Variants in CA12 observed in about 807,000 individuals in gnomAD.
CA12 encodes carbonate dehydratase XII.
In CA12, 36 loss-of-function variants were observed where a neutral mutation model predicts 46.8. That is an observed-to-expected ratio of 0.77 (90% CI 0.59 to 1.02). The LOEUF is 1.02. CA12 is among the 50% of genes least tolerant of loss of function. CA12 has a pLI of 0.00. For synonymous variants in CA12, 202 were observed against 187.0 expected (o/e 1.08, Z -0.65); for missense variants, 436 against 451.4 (o/e 0.97, Z 0.31).
At chr15:63,357,887 C>T (rs928043165) in intron 2 of CA12, among the ~76,000 whole-genome samples, 7 of 152,204 alleles carry the variant, frequency 4.6e-5, no homozygotes, top group African/African-American at 1.4e-4. Context: ...GGATTTGCCT[C>T]TTCCGGATAG....
In CA12 at chr15:63,340,265, G is replaced by T. The variant is rs774661906; in HGVS notation, c.747+23C>A. ...GGACTGAGGTGCCGCGTGGACTCTG[G>T]CTGAGTCTGGCACGACAGTTACCTG... is the stretch of plus-strand genomic sequence containing the variant. On this transcript the variant is annotated intron_variant, in intron 7 of 10. Transcript: ENST00000178638. The surrounding 1 kb of genome is among the most constrained non-coding windows in gnomAD (Gnocchi z 4.4). The T allele has an allele frequency of 6.8e-6, 11 of 1,613,810 alleles. No homozygotes were observed. Among genetic ancestry groups the T allele is most frequent in the Non-Finnish European group, 9.3e-6 (11 of 1,179,840 alleles).
At chr15:63,380,839 A>C (rs1206685062) in intron 1 of CA12, among the ~76,000 whole-genome samples, 1 of 152,178 alleles carries the variant, frequency 6.6e-6, no homozygotes, top group Non-Finnish European at 1.5e-5. Context: ...TTCTTATTCC[A>C]AAAGATTAAT....
intron 3 of CA12, among the ~76,000 whole-genome samples, chr15:63,346,299 G>C (rs146769925): frequency 4.6e-5 from 7 of 152,268 alleles, no homozygotes; most frequent in Non-Finnish European, 1.0e-4. Context: ...CCCATCCTGA[G>C]AGATGTGCTT....
At position 63,348,826 on chromosome 15, in the gene CA12, C is replaced by T. The variant is rs544764785; in HGVS notation, c.107-2117G>A. On this transcript the variant is annotated intron_variant, in intron 2 of 10. Transcript: ENST00000178638. This position sits in a 1 kb window ranked among gnomAD's most constrained non-coding sequence, Gnocchi z 4.6. The stretch of plus-strand genomic sequence containing the variant: ...CCATATTATAAGTAGGGTCACGTGC[C>T]CCCATGGGCATTTAGGAAACATTTT... Among the ~76,000 whole-genome samples the T allele has an allele frequency of 1.3e-5, 2 of 152,150 alleles. No individual in the cohort carries two copies. The highest frequency in any genetic ancestry group is 2.1e-4 in the South Asian group (1 of 4,828).
chr15:63,363,494 A>G lies in CA12; in HGVS notation c.106+12164T>C, dbSNP rs554541142. On this transcript the variant is annotated intron_variant, in intron 2 of 10. Coordinates refer to ENST00000178638, the MANE Select transcript of CA12 (RefSeq NM_001218.5). Reference sequence around the variant, plus strand: ...AGACGCTGACCCCTAAGCTGTGCAGACACACCCTCCTTCTAGATAACTCTT... The same window carrying G: ...AGACGCTGACCCCTAAGCTGTGCAGGCACACCCTCCTTCTAGATAACTCTT... Among the ~76,000 whole-genome samples the G allele has an allele frequency of 3.6e-4, 55 of 152,354 alleles. 1 individual carries two copies. Among genetic ancestry groups the G allele is most frequent in the Non-Finnish European group, 7.1e-4 (48 of 68,038 alleles).
chr15:63,376,586 C>CTTTCTTTCTTTCTTTCT (rs2039578767), intron 1 of CA12, among the ~76,000 whole-genome samples: 1 of 120,354 alleles, frequency 8.3e-6, no homozygotes, highest in Non-Finnish European at 1.8e-5. Context: ...TTCTTTCTTT[C>CTTTCTTTCTTTCTTTCT]TTTCTTTCTT....
At chr15:63,356,346 C>T (rs12899264) in intron 2 of CA12, among the ~76,000 whole-genome samples, 137,946 of 152,156 alleles carry the variant, frequency 0.91, 63,659 homozygotes, top group Non-Finnish European at 0.99. Context: ...TAAGCTGAGA[C>T]TGCGCCACTG....
Position 63,326,343 on chromosome 15 carries a change from T to C in CA12, c.1007A>G (p.Asp336Gly), listed in dbSNP as rs992007182. 1 of 1,613,646 alleles carries C rather than the reference T, an allele frequency of 6.2e-7. No homozygotes were observed. Among genetic ancestry groups the C allele is most frequent in the Non-Finnish European group, 8.5e-7 (1 of 1,179,714 alleles). ...LFRRKSIKKG[D>G]NKGVIYKPAT... ...TGGCTTGTAAATGACTCCCTTGTTA[T>C]CACCTTTTTTGATACTAGAACAGAA... The change falls in exon 11 of 11, where the codon GAT (aspartate) becomes GGT (glycine). Residue 336 changes from aspartate (D) to glycine (G), a missense_variant. Transcript: ENST00000178638.
rs979151309 is a variant in CA12, at chr15:63,340,353, G to A, written c.682C>T (p.Pro228Ser). 2.5e-6 allele frequency: 4 copies of A among 1,614,058 alleles called. No homozygotes were observed. Among genetic ancestry groups the A allele is most frequent in the Admixed American group, 1.7e-5 (1 of 60,008 alleles). The change falls in exon 7 of 11, where the codon CCC becomes TCC. Residue 228 changes from proline to serine, a missense_variant. Physicochemically the swap from Pro to Ser is moderately conservative, Grantham distance 74. Coordinates refer to ENST00000178638, the MANE Select transcript of CA12 (RefSeq NM_001218.5). The surrounding 1 kb of genome is among the most constrained non-coding windows in gnomAD (Gnocchi z 4.4). ...CAGAGCACAGTGGGGTTGCAAGGGG[G>A]TGTGGTCAGGGACCCCCGGTAGCGG... is the stretch of plus-strand genomic sequence containing the variant. ...YYRYRGSLTT[P>S]PCNPTVLWTV... is the part of the protein sequence containing the mutation.
At chr15:63,361,462 C>G (rs920796244) in intron 2 of CA12, among the ~76,000 whole-genome samples, 3 of 152,072 alleles carry the variant, frequency 2.0e-5, no homozygotes. Flanking sequence ...GCTGTCACAA[C>G]TTGGGGGGGT....
rs535723195 is a variant in CA12 at position 63,341,332 on chromosome 15, G to A, written c.526-549C>T. ...TGTTAGGAACTGGGCCGCACAGCAG[G>A]AGGTGAGCAGCGGGCAAGCAAGCAT... is the stretch of plus-strand genomic sequence containing the variant. On this transcript the variant is annotated intron_variant, in intron 5 of 10. Transcript: ENST00000178638. This position sits in a 1 kb window ranked among gnomAD's most constrained non-coding sequence, Gnocchi z 5.2. Among the ~76,000 whole-genome samples, 2 of 152,252 alleles carry A rather than the reference G, an allele frequency of 1.3e-5. No homozygotes were observed. The highest frequency in any genetic ancestry group is 2.9e-5 in the Non-Finnish European group (2 of 68,036).
chr15:63,380,233 G>A (rs77909927), intron 1 of CA12, among the ~76,000 whole-genome samples: 2,613 of 152,266 alleles, frequency 0.017, 70 homozygotes, highest in African/African-American at 0.06. Context: ...GTCCCAACTT[G>A]GAGAATTGGG....
At position 63,323,797 on chromosome 15, in the gene CA12, C is replaced by T. The variant is rs1036199528; in HGVS notation, c.*2488G>A. ...ATGCAGCACATGCTAGAAACAGATA[C>T]AGAGTTTTTTGTTGTTTTTTAACTA... On this transcript the variant is annotated 3_prime_UTR_variant, in exon 11 of 11. Transcript: ENST00000178638. The surrounding 1 kb of genome is among the most constrained non-coding windows in gnomAD (Gnocchi z 5.1). 1.3e-5 allele frequency: 2 copies of T among 152,318 alleles called. No individual in the cohort carries two copies. The highest frequency in any genetic ancestry group is 6.5e-5 in the Admixed American group (1 of 15,280). The allele number at this position is 152,318 out of a possible 1,614,324, so 9.4% of individuals were successfully genotyped here. A position where few individuals can be genotyped will look rare whatever the true frequency, so the allele number is the denominator to read the frequency against.
At position 63,356,467 on chromosome 15, in the gene CA12, C is replaced by T. The variant is rs531205991; in HGVS notation, c.107-9758G>A. Reference sequence around the variant, plus strand: ...AAACATTTATTGTTGGTGGGAACATCAAATAGTTTGGCGGTGCCTTAAAAC... The same window carrying T: ...AAACATTTATTGTTGGTGGGAACATTAAATAGTTTGGCGGTGCCTTAAAAC... On this transcript the variant is annotated intron_variant, in intron 2 of 10. Coordinates refer to ENST00000178638, the MANE Select transcript of CA12 (RefSeq NM_001218.5). Among the ~76,000 whole-genome samples, 24 of 151,962 alleles carry T rather than the reference C, an allele frequency of 1.6e-4. 1 individual carries two copies. The highest frequency in any genetic ancestry group is 3.1e-4 in the African/African-American group (13 of 41,466).
rs1373704003 is a variant in CA12, at chr15:63,355,247, C to T, written c.107-8538G>A. Among the ~76,000 whole-genome samples, 1 of 152,216 alleles carries T rather than the reference C, an allele frequency of 6.6e-6. No individual in the cohort carries two copies. Among genetic ancestry groups the T allele is most frequent in the African/African-American group, 2.4e-5 (1 of 41,436 alleles). ...CTGCTTCACATCTCCCTGAAACACC[C>T]TCCCCTCGCTGGGGCAGGGCAAAGG... On this transcript the variant is annotated intron_variant, in intron 2 of 10. Transcript: ENST00000178638. This position sits in a 1 kb window ranked among gnomAD's most constrained non-coding sequence, Gnocchi z 4.1.
intron 8 of CA12, among the ~76,000 whole-genome samples, chr15:63,336,579 C>G (rs2039007562): frequency 8.4e-6 from 1 of 118,538 alleles, no homozygotes; most frequent in South Asian, 3.1e-4. Flanking sequence ...GAGACAGAGT[C>G]TCACTCTGTC....
In CA12 at chr15:63,345,561, G is replaced by T. The variant is rs1455918240; in HGVS notation, c.345C>A (p.Ala115=). 2 of 1,613,470 alleles carry T rather than the reference G, an allele frequency of 1.2e-6. No individual in the cohort carries two copies. The highest frequency in any genetic ancestry group is 2.2e-5 in the South Asian group (2 of 91,080). The change falls in exon 4 of 11, where the codon GCC becomes GCA. Residue 115 remains alanine, a synonymous_variant. Coordinates refer to ENST00000178638, the MANE Select transcript of CA12 (RefSeq NM_001218.5). This position sits in a 1 kb window ranked among gnomAD's most constrained non-coding sequence, Gnocchi z 4.3. ...HIQGLQSRYS[A]TQLHLHWGNP... ...TCCCCCAGTGCAGGTGCAGCTGCGTGGCACTGTAGCGAGACTGGAGGCCCT... is the reference window on the plus strand; with the variant it reads ...TCCCCCAGTGCAGGTGCAGCTGCGTTGCACTGTAGCGAGACTGGAGGCCCT...
At chr15:63,332,564 CG>C (rs1379545792) in intron 8 of CA12, among the ~76,000 whole-genome samples, 4 of 152,142 alleles carry the variant, frequency 2.6e-5, no homozygotes, top group African/African-American at 9.7e-5. Context: ...GGTGGTGGGA[CG>C]GGGGCCTTTG....
Position 63,346,517 on chromosome 15 carries a change from G to A in CA12, c.286+13C>T, listed in dbSNP as rs753668805. ...CAGACATACCCCTCAGGTCTCCAAG[G>A]CCTCTCCCTCACCTGAATGGCCATT... On this transcript the variant is annotated intron_variant, in intron 3 of 10. Coordinates refer to ENST00000178638, the MANE Select transcript of CA12 (RefSeq NM_001218.5). The A allele has an allele frequency of 1.1e-5, 18 of 1,613,084 alleles. No individual in the cohort carries two copies. The Admixed American group carries it at 1.7e-4, about 15-fold the overall frequency.
Sources: gnomAD v4.1 joint callset for allele counts (sites outside exome capture counted in the v4.1 genomes callset) on GRCh38, gnomAD v4.1.1 for gene constraint, Gnocchi (gnomAD v3.1) non-coding constraint, MANE v1.5 for transcripts, NCBI Gene and HGNC (gene_info 2026-07-23, HGNC 2026-07-21) for gene names.